PNPLA6: variants seen among roughly 807,000 people sequenced by gnomAD.
The protein encoded by PNPLA6 is patatin-like phospholipase domain-containing protein 6.
A neutral mutation model predicts 153.7 loss-of-function variants in PNPLA6; 105 were observed. The observed-to-expected ratio is 0.68, with a 90% confidence interval of 0.58 to 0.80. The LOEUF is 0.80. PNPLA6 is among the 30% of genes least tolerant of loss of function. The pLI, the probability that PNPLA6 is intolerant of heterozygous loss-of-function variation, is 0.00. For missense variants in PNPLA6, 1,423 were observed against 1,919.3 expected (o/e 0.74, Z 4.83); for synonymous variants, 825 against 822.2 (o/e 1.00, Z -0.06).
intron 3 of PNPLA6, among the ~76,000 whole-genome samples, chr19:7,539,523 C>T (rs944303519): frequency 4.7e-5 from 7 of 147,990 alleles, no homozygotes; most frequent in Non-Finnish European, 3.0e-5. Context: ...TTTGGGAGGC[C>T]GAGTCGGGCG....
Position 7,541,131 on chromosome 19 carries a change from G to C in PNPLA6, c.924+80G>C, listed in dbSNP as rs2023117711. The C allele has an allele frequency of 6.7e-7, 1 of 1,503,612 alleles. No homozygotes were observed. The highest frequency in any genetic ancestry group is 1.4e-5 in the African/African-American group (1 of 72,624). 93.1% of individuals were successfully genotyped at this position (1,503,612 alleles called of 1,614,324 possible). On this transcript the variant is annotated intron_variant, in intron 7 of 31. Coordinates refer to ENST00000600737, the MANE Select transcript of PNPLA6 (RefSeq NM_001166114.2). The surrounding 1 kb of genome is among the most constrained non-coding windows in gnomAD (Gnocchi z 5.2). ...CCCATTCCAGGCTCCAAGGGACCGA[G>C]GCCCAGCAGCCAGCAGGCGCTGGAG... is the stretch of plus-strand genomic sequence containing the variant.
intron 29 of PNPLA6, 58 bp from the exon 30 acceptor site, chr19:7,560,956 C>T (rs1330480478): frequency 9.1e-7 from 1 of 1,099,024 alleles, no homozygotes; most frequent in East Asian, 2.6e-5. Context: ...CTGGGCCCCC[C>T]AGGGGCCCCA....
rs2023122355 is a variant in PNPLA6, at chr19:7,541,221, C to T, written c.925-133C>T. ...GCGGACTCCTCCCTTAGCTGCCTCG[C>T]CCCATTTCCCCAGACTGTGGGTCTC... On this transcript the variant is annotated intron_variant, in intron 7 of 31. Coordinates refer to ENST00000600737, the MANE Select transcript of PNPLA6 (RefSeq NM_001166114.2). This position sits in a 1 kb window ranked among gnomAD's most constrained non-coding sequence, Gnocchi z 5.2. The T allele has an allele frequency of 9.2e-7, 1 of 1,084,280 alleles. No homozygotes were observed. Among genetic ancestry groups the T allele is most frequent in the Non-Finnish European group, 1.4e-6 (1 of 729,190 alleles). The allele number at this position is 1,084,280 out of a possible 1,614,324, so 67.2% of individuals were successfully genotyped here.
chr19:7,536,467 T>A lies in PNPLA6; in HGVS notation c.334T>A (p.Ser112Thr), dbSNP rs1193422027. ...IMRKVSQSTSSLVDTSVSATS... is the reference protein window; with the variant it reads ...IMRKVSQSTSTLVDTSVSATS... ...CTCCCAGGTGTCACAATCCACCTCC[T>A]CCCTCGTGGATACCTCTGTCTCCGC... Residue 112 changes from serine (S) to threonine (T), a missense_variant, in exon 3 of 32, where the codon TCC becomes ACC. Transcript: ENST00000600737. The A allele has an allele frequency of 6.2e-7, 1 of 1,612,792 alleles. No homozygotes were observed.
At chr19:7,535,430 G>A (rs1184210100), upstream of PNPLA6, 8 of 1,050,708 alleles carry the variant, frequency 7.6e-6, no homozygotes, top group Middle Eastern at 2.0e-4. This position sits in a 1 kb window ranked among gnomAD's most constrained non-coding sequence, Gnocchi z 5.0. Flanking sequence ...GCTTGAGCTG[G>A]GGGCAGGGCT....
intron 18 of PNPLA6, among the ~76,000 whole-genome samples, chr19:7,553,313 A>T (rs2023736461): frequency 6.6e-6 from 1 of 152,080 alleles, no homozygotes; most frequent in African/African-American, 2.4e-5. Context: ...GTGCAGTGGC[A>T]CGATCTCGGC....
At chr19:7,539,713 C>T (rs1197268194) in intron 3 of PNPLA6, among the ~76,000 whole-genome samples, 1 of 147,908 alleles carries the variant, frequency 6.8e-6, no homozygotes, top group Non-Finnish European at 1.5e-5. Flanking sequence ...GCCGAGATCG[C>T]ACCATTGCAC....
chr19:7,545,050 G>A (rs999478672), intron 13 of PNPLA6, among the ~76,000 whole-genome samples: 4 of 151,448 alleles, frequency 2.6e-5, no homozygotes, highest in Non-Finnish European at 5.9e-5. Flanking sequence ...TTTCGGAGAC[G>A]GAGTCTTGCT....
At position 7,550,975 on chromosome 19, in the gene PNPLA6, C is replaced by T. The variant is rs2023617777; in HGVS notation, c.2071-19C>T. 5.3e-6 allele frequency: 8 copies of T among 1,511,926 alleles called. No homozygotes were observed. Among genetic ancestry groups the T allele is most frequent in the Non-Finnish European group, 7.1e-6 (8 of 1,118,978 alleles). The allele number at this position is 1,511,926 out of a possible 1,614,324, so 93.7% of individuals were successfully genotyped here. A position where few individuals can be genotyped will look rare whatever the true frequency, so the allele number is the denominator to read the frequency against. ...CATTCCCCACCCAAGCAGCCCCAAT[C>T]ATGCACGCGGCCCCCCAGGTGGAGG... On this transcript the variant is annotated intron_variant, in intron 16 of 31. Coordinates refer to ENST00000600737, the MANE Select transcript of PNPLA6 (RefSeq NM_001166114.2).
intron 27 of PNPLA6, 46 bp downstream of exon 27, chr19:7,557,330 C>CCA (rs754424593): frequency 3.2e-4 from 374 of 1,154,690 alleles, no homozygotes; most frequent in Non-Finnish European, 4.3e-4. Context: ...ACCTCCCGCA[C>CCA]CACACACACG....
chr19:7,559,763 G>A (rs1001046849), intron 28 of PNPLA6, among the ~76,000 whole-genome samples: 2 of 151,918 alleles, frequency 1.3e-5, no homozygotes, highest in Admixed American at 6.6e-5. Context: ...AGGACCGCTC[G>A]AGCCCAGGAG....
intron 13 of PNPLA6, among the ~76,000 whole-genome samples, chr19:7,544,049 G>A (rs1026170504): frequency 1.9e-4 from 29 of 151,742 alleles, no homozygotes; most frequent in African/African-American, 6.0e-4. Flanking sequence ...TCCTGACCTC[G>A]TGATCCGCCC....
Position 7,535,795 on chromosome 19 carries a change from A to T in PNPLA6, c.7A>T (p.Thr3Ser), listed in dbSNP as rs375243281. The T allele has an allele frequency of 2.0e-6, 3 of 1,535,816 alleles. No homozygotes were observed. The highest frequency in any genetic ancestry group is 1.4e-5 in the African/African-American group (1 of 73,004). MG[T>S]SSHGLATNSS... ...GCACTGGCCCATTCTGCAGATGGGG[A>T]CATCGAGTCACGGGCTGGCTACGAA... Residue 3 changes from threonine (T) to serine (S), a missense_variant, in exon 1 of 32, where the codon ACA (threonine) becomes TCA (serine). By Grantham distance (58) the Thr-to-Ser change is moderately conservative. This residue lies in a region of PNPLA6 where 109 missense variants were observed against 109.4 expected (regional missense o/e 1.00). Transcript: ENST00000600737. This position sits in a 1 kb window ranked among gnomAD's most constrained non-coding sequence, Gnocchi z 5.0.
chr19:7,557,292 GC>G lies in PNPLA6; in HGVS notation c.3397+10del, dbSNP rs1352273219. On this transcript the variant is annotated intron_variant, in intron 27 of 31. Transcript: ENST00000600737. ...ACATCAACAATCTGCCAGGCAAGTGGCCGCCCGCACCACCCGCACACGCAAG... is the reference window on the plus strand; with the variant it reads ...ACATCAACAATCTGCCAGGCAAGTGGCGCCCGCACCACCCGCACACGCAAG... 1.9e-6 allele frequency: 3 copies of G among 1,564,214 alleles called. No individual in the cohort carries two copies. The highest frequency in any genetic ancestry group is 2.6e-6 in the Non-Finnish European group (3 of 1,137,140).
intron 18 of PNPLA6, among the ~76,000 whole-genome samples, chr19:7,553,556 A>G (rs558655136): frequency 1.3e-5 from 2 of 152,364 alleles, no homozygotes; most frequent in African/African-American, 2.4e-5. Context: ...GCACTGGCCA[A>G]TTGATCTCCC....
intron 3 of PNPLA6, among the ~76,000 whole-genome samples, chr19:7,537,874 T>C (rs1006380458): frequency 6.6e-6 from 1 of 152,104 alleles, no homozygotes; most frequent in Non-Finnish European, 1.5e-5. Flanking sequence ...TCTCTTGACC[T>C]TGTGATCCGT....
rs1262585400 is a variant in PNPLA6, at chr19:7,557,808, A to AAATCT, written c.3397+526_3397+530dup. ...CAAAAAAAAAAAAAAAGAAAGAAAG[A>AAATCT]AATCTACATCTACCTGCTGGCGTGC... On this transcript the variant is annotated intron_variant, in intron 27 of 31. Transcript: ENST00000600737. Among the ~76,000 whole-genome samples, 159 of 151,620 alleles carry AAATCT rather than the reference A, an allele frequency of 1.0e-3. 1 individual carries two copies. Among genetic ancestry groups the AAATCT allele is most frequent in the African/African-American group, 3.5e-3 (145 of 41,236 alleles).
intron 24 of PNPLA6, 84 bp from the exon 25 acceptor site, chr19:7,556,369 G>A (rs780019556): frequency 1.2e-4 from 101 of 859,472 alleles, no homozygotes; most frequent in Non-Finnish European, 2.0e-4. Context: ...GCCCCTAAGT[G>A]CTGCTTGCTC....
At position 7,540,456 on chromosome 19, in the gene PNPLA6, A is replaced by T; in HGVS notation, c.714+148A>T. 9.5e-7 allele frequency: 1 copy of T among 1,052,744 alleles called. No homozygotes were observed. The highest frequency in any genetic ancestry group is 1.5e-5 in the South Asian group (1 of 68,266). 65.2% of individuals were successfully genotyped at this position (1,052,744 alleles called of 1,614,324 possible). ...CGAGGACATTTGGGGTAGTCTGCGTAGTTGCTCAGTAGTTACAAGTATTGA... is the reference window on the plus strand; with the variant it reads ...CGAGGACATTTGGGGTAGTCTGCGTTGTTGCTCAGTAGTTACAAGTATTGA... On this transcript the variant is annotated intron_variant, in intron 5 of 31. Transcript: ENST00000600737. This position sits in a 1 kb window ranked among gnomAD's most constrained non-coding sequence, Gnocchi z 6.8.
Sources: allele counts gnomAD v4.1 joint callset (sites outside exome capture counted in the v4.1 genomes callset), GRCh38; gene constraint gnomAD v4.1.1; regional missense constraint gnomAD v4.1.1; non-coding constraint Gnocchi (gnomAD v3.1); transcripts MANE v1.5; gene names NCBI Gene and HGNC (gene_info 2026-07-23, HGNC 2026-07-21).